Variants in IRAG2 observed in about 807,000 individuals in gnomAD.
IRAG2 encodes inositol 1,4,5-triphosphate receptor associated 2.
A neutral mutation model predicts 69.9 loss-of-function variants in IRAG2; 45 were observed. The observed-to-expected ratio is 0.64, with a 90% CI of 0.51 to 0.83. The LOEUF (loss-of-function observed/expected upper bound fraction) is 0.83, where lower values mean the gene tolerates loss of function less well. Ranked by LOEUF, IRAG2 falls within the 40% of genes least tolerant of loss-of-function variation. IRAG2 has a pLI of 0.00. For missense variants in IRAG2, 520 were observed against 587.0 expected, an observed-to-expected ratio of 0.89 and a Z score of 1.18; for synonymous variants, 193 against 202.4, an observed-to-expected ratio of 0.95 and a Z score of 0.40.
intron 11 of IRAG2, among the ~76,000 whole-genome samples, chr12:25,089,295 T>C (rs996681398): frequency 2.6e-5 from 4 of 152,236 alleles, no homozygotes; most frequent in Non-Finnish European, 4.4e-5. Flanking sequence ...GTAGGAGGTT[T>C]AGGCTTTTAG....
chr12:25,088,928 T>G (rs978477619), intron 11 of IRAG2, among the ~76,000 whole-genome samples: 3 of 149,610 alleles, frequency 2.0e-5, no homozygotes, highest in Admixed American at 6.6e-5. Flanking sequence ...CAATCTTATC[T>G]TAGATGATAA....
chr12:25,103,836 G>A lies in IRAG2; in HGVS notation c.934-1G>A. On this transcript the variant is annotated splice_acceptor_variant, in intron 17 of 21. Coordinates refer to ENST00000556887, the MANE Select transcript of IRAG2 (RefSeq NM_001366544.2). LOFTEE classifies it high-confidence loss of function. The stretch of plus-strand genomic sequence containing the variant: ...AATGTACATTTTCCTCCTTCTGGTA[G>A]CCATCTTCTCTACGAAGAGTGACTA... 6.2e-7 allele frequency: 1 copy of A among 1,608,544 alleles called. No homozygotes were observed. The highest frequency in any genetic ancestry group is 8.5e-7 in the Non-Finnish European group (1 of 1,175,560).
chr12:25,097,595 G>A lies in IRAG2; in HGVS notation c.741+551G>A, dbSNP rs555543316. On this transcript the variant is annotated intron_variant, in intron 15 of 21. Transcript: ENST00000556887. The stretch of plus-strand genomic sequence containing the variant: ...ATTTCTTTGTGGGCAAACCTGGGGA[G>A]ATATGAATTTTTTAAATCTATACCT... 3 of 152,270 alleles carry A rather than the reference G, an allele frequency of 2.0e-5. No individual in the cohort carries two copies. In the South Asian group the frequency reaches 6.2e-4, roughly 32 times the overall value. The allele number at this position is 152,270 out of a possible 1,614,324, so 9.4% of individuals were successfully genotyped here. A position where few individuals can be genotyped will look rare whatever the true frequency, so the allele number is the denominator to read the frequency against.
chr12:25,095,831 TTC>T (rs879888620), intron 14 of IRAG2, among the ~76,000 whole-genome samples: 1 of 152,190 alleles, frequency 6.6e-6, no homozygotes, highest in African/African-American at 2.4e-5. Flanking sequence ...TCTGTTCAGA[TTC>T]TCTGTTTCTT....
chr12:25,056,897 C>T (rs1945289061), intron 1 of IRAG2, among the ~76,000 whole-genome samples: 1 of 152,126 alleles, frequency 6.6e-6, no homozygotes, highest in African/African-American at 2.4e-5. Flanking sequence ...GGCCTCCCTC[C>T]CCAGAGTCAC....
chr12:25,088,257 C>A, intron 11 of IRAG2, 100 bp downstream of exon 11: 1 of 927,974 alleles, frequency 1.1e-6, no homozygotes, highest in South Asian at 1.4e-5. Flanking sequence ...CTTACAAATT[C>A]TGCATCTCTG....
chr12:25,041,694 A>C (rs1944750875), intron 16 of IRAG2, among the ~76,000 whole-genome samples: 1 of 133,798 alleles, frequency 7.5e-6, no homozygotes, highest in African/African-American at 2.8e-5. Flanking sequence ...TTCAGTAGAG[A>C]TGGGGTTTTG....
chr12:25,108,183 A>C lies in IRAG2; in HGVS notation c.*123A>C. 9.3e-7 allele frequency: 1 copy of C among 1,072,884 alleles called. No individual in the cohort carries two copies. The highest frequency in any genetic ancestry group is 1.3e-6 in the Non-Finnish European group (1 of 753,144). The allele number at this position is 1,072,884 out of a possible 1,614,324, so 66.5% of individuals were successfully genotyped here. A position where few individuals can be genotyped will look rare whatever the true frequency, so the allele number is the denominator to read the frequency against. ...CAGAGGTTCTCAGAATGACTGTAAG[A>C]TAGCTTACATTTCCTCTTTTTGCCT... On this transcript the variant is annotated 3_prime_UTR_variant, in exon 22 of 22. Transcript: ENST00000556887.
chr12:25,039,723 C>G (rs907844040), intron 16 of IRAG2, among the ~76,000 whole-genome samples: 4 of 152,206 alleles, frequency 2.6e-5, no homozygotes, highest in Non-Finnish European at 4.4e-5. Flanking sequence ...AGCCACCACA[C>G]CCGGCAACAT....
At chr12:25,068,464 C>CACGAT (rs1946128338) in intron 5 of IRAG2, among the ~76,000 whole-genome samples, 3 of 152,088 alleles carry the variant, frequency 2.0e-5, no homozygotes, top group Non-Finnish European at 4.4e-5. Flanking sequence ...TTTATGGAGG[C>CACGAT]TTTACTAGGC....
intron 6 of IRAG2, among the ~76,000 whole-genome samples, chr12:25,073,949 T>G (rs1203949056): frequency 6.6e-6 from 1 of 152,246 alleles, no homozygotes; most frequent in African/African-American, 2.4e-5. Flanking sequence ...ATTCTTTGTT[T>G]TGTCTACTTT....
At chr12:25,003,921 G>A (rs1213471312), upstream of IRAG2, among the ~76,000 whole-genome samples, 3 of 152,192 alleles carry the variant, frequency 2.0e-5, no homozygotes, top group Non-Finnish European at 4.4e-5. Context: ...AAAAAGCAAT[G>A]TGGTTATCTA....
intron 3 of IRAG2, among the ~76,000 whole-genome samples, chr12:25,013,946 C>T (rs1325827704): frequency 7.5e-6 from 1 of 133,800 alleles, no homozygotes; most frequent in Non-Finnish European, 1.5e-5. Flanking sequence ...GCAATCTCGG[C>T]TCACTGCAAG....
exon 1 of IRAG2, chr12:25,004,684 A>G (rs1944417551): frequency 8.1e-7 from 1 of 1,232,000 alleles, no homozygotes; most frequent in Non-Finnish European, 1.0e-6. Context: ...TGTTATTCTC[A>G]CAAGTTCTGA....
chr12:25,024,175 C>G (rs1944604941), intron 8 of IRAG2, among the ~76,000 whole-genome samples: 1 of 151,998 alleles, frequency 6.6e-6, no homozygotes, highest in Non-Finnish European at 1.5e-5. Context: ...TACAATGAAC[C>G]CATCTAAAAA....
intron 8 of IRAG2, among the ~76,000 whole-genome samples, chr12:25,024,266 T>C (rs931729875): frequency 6.6e-6 from 1 of 152,212 alleles, no homozygotes; most frequent in African/African-American, 2.4e-5. Flanking sequence ...GCAAGAGTCT[T>C]GAGTCTACGA....
intron 16 of IRAG2, among the ~76,000 whole-genome samples, chr12:25,043,997 C>A (rs1944771404): frequency 6.6e-6 from 1 of 152,048 alleles, no homozygotes; most frequent in African/African-American, 2.4e-5. Flanking sequence ...AATACAAACA[C>A]AGAACACTGT....
chr12:25,056,129 T>G (rs781461596), intron 1 of IRAG2, among the ~76,000 whole-genome samples: 4 of 152,200 alleles, frequency 2.6e-5, no homozygotes, highest in Non-Finnish European at 5.9e-5. Flanking sequence ...TCTTTTAGCT[T>G]GCTATTCTTA....
At chr12:25,054,557 C>T (rs535831356) in intron 1 of IRAG2, among the ~76,000 whole-genome samples, 1 of 152,282 alleles carries the variant, frequency 6.6e-6, no homozygotes, top group African/African-American at 2.4e-5. Flanking sequence ...CCCAGTTTAT[C>T]TTCACGGCCC....
Sources: gnomAD v4.1 joint callset for allele counts (sites outside exome capture counted in the v4.1 genomes callset) on GRCh38, gnomAD v4.1.1 for gene constraint, MANE v1.5 for transcripts, NCBI Gene and HGNC (gene_info 2026-07-23, HGNC 2026-07-21) for gene names.